The following TMC1 variants were observed in gnomAD, a reference collection of about 807,000 sequenced individuals.
The protein encoded by TMC1 is transmembrane channel like 1.
Under a neutral mutation model 105.8 loss-of-function variants are expected in TMC1, and 84 were observed. The ratio of observed to expected loss-of-function variants is 0.79; its 90% CI spans 0.67 to 0.95. The LOEUF (loss-of-function observed/expected upper bound fraction) is 0.95. TMC1 is among the 40% of genes least tolerant of loss of function. TMC1 has a pLI of 0.00. For missense variants in TMC1, 817 were observed against 914.1 expected, an observed-to-expected ratio of 0.89 and a Z score of 1.37; for synonymous variants, 315 against 311.5, an observed-to-expected ratio of 1.01 and a Z score of -0.12.
At chr9:72,761,195 T>C (rs181452414) in intron 12 of TMC1, among the ~76,000 whole-genome samples, 7 of 152,250 alleles carry the variant, frequency 4.6e-5, no homozygotes, top group Admixed American at 4.6e-4. Context: ...AGCAGAAGAA[T>C]GAGTTTAAGT....
intron 2 of TMC1, among the ~76,000 whole-genome samples, chr9:72,592,832 G>A (rs1316784376): frequency 6.6e-6 from 1 of 152,192 alleles, no homozygotes; most frequent in African/African-American, 2.4e-5. Flanking sequence ...GAGTTCTCAG[G>A]AAGAGGGAGA....
At chr9:72,525,867 A>ATT (rs1446355950) in intron 1 of TMC1, among the ~76,000 whole-genome samples, 1 of 152,110 alleles carries the variant, frequency 6.6e-6, no homozygotes, top group Non-Finnish European at 1.5e-5. Context: ...ACACACCTGT[A>ATT]TTCCCAGCTA....
At chr9:72,787,494 G>A (rs182438987) in intron 13 of TMC1, among the ~76,000 whole-genome samples, 1 of 151,856 alleles carries the variant, frequency 6.6e-6, no homozygotes, top group African/African-American at 2.4e-5. Context: ...AAACCTTATG[G>A]GACCATTTTA....
At chr9:72,805,311 A>T in intron 17 of TMC1, 71 bp from the exon 18 acceptor site, 1 of 1,557,592 alleles carries the variant, frequency 6.4e-7, no homozygotes, top group Non-Finnish European at 8.8e-7. Context: ...GAAATATGAC[A>T]GATTTAATAC....
At chr9:72,670,148 T>A (rs546100835) in intron 5 of TMC1, among the ~76,000 whole-genome samples, 157 of 152,306 alleles carry the variant, frequency 1.0e-3, no homozygotes, top group African/African-American at 3.8e-3. Flanking sequence ...ACTCTTCTGC[T>A]GAATCATGAT....
At chr9:72,661,117 A>AC (rs71359510) in intron 5 of TMC1, among the ~76,000 whole-genome samples, 7,766 of 152,236 alleles carry the variant, frequency 0.051, 235 homozygotes, top group Non-Finnish European at 0.062. Flanking sequence ...ACGCCACCGC[A>AC]CTCCAGCCTG....
chr9:72,531,090 G>A (rs764239424), intron 1 of TMC1, among the ~76,000 whole-genome samples: 1 of 151,846 alleles, frequency 6.6e-6, no homozygotes, highest in Non-Finnish European at 1.5e-5. Context: ...CACCCACCTT[G>A]GCCTTCCAAA....
At chr9:72,592,529 A>T (rs1396017067) in intron 2 of TMC1, among the ~76,000 whole-genome samples, 1 of 152,100 alleles carries the variant, frequency 6.6e-6, no homozygotes, top group Non-Finnish European at 1.5e-5. Flanking sequence ...CCTCCTTCAG[A>T]ATTTACCCCC....
chr9:72,600,163 C>T (rs780031716), intron 2 of TMC1, among the ~76,000 whole-genome samples: 3 of 152,198 alleles, frequency 2.0e-5, no homozygotes, highest in Non-Finnish European at 4.4e-5. Context: ...TTAGAAAAAT[C>T]TCTATGGCAG....
chr9:72,562,922 C>T (rs1260443211), intron 1 of TMC1, among the ~76,000 whole-genome samples: 1 of 151,954 alleles, frequency 6.6e-6, no homozygotes, highest in Admixed American at 6.6e-5. Flanking sequence ...GTGGAGGTTG[C>T]AGTGAGATGA....
chr9:72,754,826 C>T lies in TMC1; in HGVS notation c.683C>T (p.Thr228Ile), dbSNP rs1410624760. 3.7e-6 allele frequency: 6 copies of T among 1,614,032 alleles called. No individual in the cohort carries two copies. In the African/African-American group the frequency reaches 6.7e-5, roughly 18 times the overall value. Residue 228 changes from threonine (T) to isoleucine (I), a missense_variant, in exon 12 of 24, where the codon ACC becomes ATC. Thr to Ile is a moderately conservative substitution (Grantham distance 89). Transcript: ENST00000297784. ...CCATATGGCAGTTTACCTAGGAAAACCGTTCCCAGAGCCGAAGAGGCATCG... is the reference window on the plus strand; with the variant it reads ...CCATATGGCAGTTTACCTAGGAAAATCGTTCCCAGAGCCGAAGAGGCATCG... ...GLPYGSLPRKTVPRAEEASAA... is the reference protein window; with the variant it reads ...GLPYGSLPRKIVPRAEEASAA...
intron 7 of TMC1, among the ~76,000 whole-genome samples, chr9:72,695,105 C>A (rs1264193705): frequency 6.6e-6 from 1 of 152,024 alleles, no homozygotes; most frequent in African/African-American, 2.4e-5. Context: ...TGGCTAAATC[C>A]AGCCCAAGAG....
At chr9:72,551,363 GCAAA>G (rs914775575) in intron 1 of TMC1, among the ~76,000 whole-genome samples, 10 of 152,158 alleles carry the variant, frequency 6.6e-5, no homozygotes, top group Non-Finnish European at 1.2e-4. Flanking sequence ...TATAGGGAAA[GCAAA>G]CAAACAAACA....
At chr9:72,589,613 A>G (rs1824603343) in intron 2 of TMC1, among the ~76,000 whole-genome samples, 1 of 152,146 alleles carries the variant, frequency 6.6e-6, no homozygotes, top group African/African-American at 2.4e-5. Flanking sequence ...GTTTTTAACA[A>G]TCAGGTGCAG....
At chr9:72,819,340 T>G (rs998663756) in intron 19 of TMC1, among the ~76,000 whole-genome samples, 5 of 152,212 alleles carry the variant, frequency 3.3e-5, no homozygotes, top group Admixed American at 6.5e-5. Context: ...TCAAAGTGTA[T>G]TACATCAACA....
At chr9:72,551,506 G>C (rs532989627) in intron 1 of TMC1, among the ~76,000 whole-genome samples, 1 of 152,142 alleles carries the variant, frequency 6.6e-6, no homozygotes, top group African/African-American at 2.4e-5. Context: ...TGCCAGAATC[G>C]TGGAAGCAGA....
chr9:72,538,967 T>C (rs1823631465), intron 1 of TMC1, among the ~76,000 whole-genome samples: 1 of 152,058 alleles, frequency 6.6e-6, no homozygotes, highest in Admixed American at 6.5e-5. Context: ...CATGAGCTAG[T>C]TTTTCAGGTT....
Position 72,794,818 on chromosome 9 carries a change from G to C in TMC1, c.1566+2466G>C, listed in dbSNP as rs116467984. Among the ~76,000 whole-genome samples, 1,315 of 152,270 alleles carry C rather than the reference G, an allele frequency of 8.6e-3. 16 individuals are homozygous for C. The highest frequency in any genetic ancestry group is 0.03 in the African/African-American group (1,253 of 41,544). On this transcript the variant is annotated intron_variant, in intron 17 of 23. Coordinates refer to ENST00000297784, the MANE Select transcript of TMC1 (RefSeq NM_138691.3). Reference sequence around the variant, plus strand: ...TGAAATAGAATTCAGACTGTGGAGAGGAATGAAGATCATTGAGATTCAGAA... The same window carrying C: ...TGAAATAGAATTCAGACTGTGGAGACGAATGAAGATCATTGAGATTCAGAA...
intron 3 of TMC1, among the ~76,000 whole-genome samples, chr9:72,621,445 C>T (rs1825247830): frequency 6.6e-6 from 1 of 152,076 alleles, no homozygotes; most frequent in South Asian, 2.1e-4. Context: ...GTCCTCAATC[C>T]AAAAGTGTGG....
Sources: gnomAD v4.1 joint callset for allele counts (sites outside exome capture counted in the v4.1 genomes callset) on GRCh38, gnomAD v4.1.1 for gene constraint, MANE v1.5 for transcripts, NCBI Gene and HGNC (gene_info 2026-07-23, HGNC 2026-07-21) for gene names.